The following SARDH variants were observed in gnomAD, a reference collection of about 807,000 sequenced individuals.
SARDH encodes sarcosine dehydrogenase, also known as sarcosine dehydrogenase, mitochondrial.
In SARDH, 95 loss-of-function variants were observed where a neutral mutation model predicts 109.1. That is an observed-to-expected ratio of 0.87 (90% CI 0.74 to 1.03). The LOEUF is 1.03. Ranked by LOEUF, SARDH falls within the 50% of genes least tolerant of loss-of-function variation. The pLI is 0.00. For missense variants in SARDH, 1,267 were observed against 1,287.8 expected, an observed-to-expected ratio of 0.98 and a Z score of 0.25; for synonymous variants, 572 against 534.8, an observed-to-expected ratio of 1.07 and a Z score of -0.96.
intron 13 of SARDH, among the ~76,000 whole-genome samples, chr9:133,700,579 G>C (rs560803085): frequency 4.6e-5 from 7 of 152,154 alleles, no homozygotes; most frequent in Non-Finnish European, 8.8e-5. Context: ...TTTGCTGGGA[G>C]ATGAAAACAT....
intron 6 of SARDH, among the ~76,000 whole-genome samples, chr9:133,722,128 C>A (rs1832345703): frequency 6.6e-6 from 1 of 151,480 alleles, no homozygotes; most frequent in South Asian, 2.1e-4. Flanking sequence ...AAACACAAAA[C>A]AAAACAAAAC....
In SARDH at chr9:133,709,535, C is replaced by T. The variant is rs887662598; in HGVS notation, c.1329-1107G>A. Among the ~76,000 whole-genome samples the T allele has an allele frequency of 2.6e-5, 4 of 152,172 alleles. No homozygotes were observed. The highest frequency in any genetic ancestry group is 5.9e-5 in the Non-Finnish European group (4 of 68,028). ...GCTGCCTCAGCAGCCACATCAGAGG[C>T]GTTTCTATCCTCAGTGACACCTGTC... On this transcript the variant is annotated intron_variant, in intron 10 of 20. Coordinates refer to ENST00000439388, the MANE Select transcript of SARDH (RefSeq NM_001134707.2). This position sits in a 1 kb window ranked among gnomAD's most constrained non-coding sequence, Gnocchi z 4.2.
chr9:133,708,147 A>C, intron 11 of SARDH, 140 bp downstream of exon 11: 2 of 971,114 alleles, frequency 2.1e-6, no homozygotes, highest in Non-Finnish European at 1.5e-6. Context: ...GTGCCGGGTT[A>C]CTACCTGGGG....
chr9:133,701,419 C>T (rs989436523), intron 13 of SARDH, among the ~76,000 whole-genome samples: 15 of 152,240 alleles, frequency 9.9e-5, no homozygotes, highest in Non-Finnish European at 1.9e-4. Flanking sequence ...CTGATGCCAC[C>T]GGGGCTGCCA....
intron 17 of SARDH, 148 bp from the exon 18 acceptor site, chr9:133,671,845 T>C (rs1830361893): frequency 1.0e-6 from 1 of 980,156 alleles, no homozygotes; most frequent in African/African-American, 1.7e-5. Context: ...AGAAATGGGG[T>C]CTTCCAAGGA....
At position 133,670,714 on chromosome 9, in the gene SARDH, TGTC is replaced by T. The variant is rs1355408436; in HGVS notation, c.2362_2364del (p.Asp788del). 6.2e-7 allele frequency: 1 copy of T among 1,601,636 alleles called. No homozygotes were observed. Among genetic ancestry groups the T allele is most frequent in the Non-Finnish European group, 8.5e-7 (1 of 1,175,026 alleles). On this transcript the variant is annotated inframe_deletion, in exon 19 of 21. Transcript: ENST00000439388. ...AAGGCCAGGCCTGCCTCCAGGGGGCTGTCGTCTGGCCGCAGGTCCGCGTGCCAG... is the reference window on the plus strand; with the variant it reads ...AAGGCCAGGCCTGCCTCCAGGGGGCTGTCTGGCCGCAGGTCCGCGTGCCAG...
chr9:133,731,575 AG>A, intron 3 of SARDH, 91 bp from the exon 4 acceptor site: 2 of 1,319,358 alleles, frequency 1.5e-6, no homozygotes, highest in Non-Finnish European at 2.1e-6. Flanking sequence ...CGCAAACCCC[AG>A]CCTCACTTTC....
At chr9:133,708,544 G>A in intron 10 of SARDH, 116 bp from the exon 11 acceptor site, 1 of 1,349,362 alleles carries the variant, frequency 7.4e-7, no homozygotes, top group South Asian at 1.5e-5. Flanking sequence ...CCCCTTTGTG[G>A]CTCAGCATTG....
intron 17 of SARDH, among the ~76,000 whole-genome samples, chr9:133,674,216 G>A (rs1051971878): frequency 6.6e-6 from 1 of 152,248 alleles, no homozygotes; most frequent in Non-Finnish European, 1.5e-5. Flanking sequence ...AGGACATCCA[G>A]AACAAACACG....
intron 2 of SARDH, among the ~76,000 whole-genome samples, chr9:133,733,481 C>T (rs1832755739): frequency 6.6e-6 from 1 of 152,190 alleles, no homozygotes; most frequent in African/African-American, 2.4e-5. Flanking sequence ...TCTGCTTCAC[C>T]CTCAATGGTC....
intron 17 of SARDH, among the ~76,000 whole-genome samples, chr9:133,673,212 C>T (rs129935): frequency 0.54 from 81,882 of 152,150 alleles, 23,044 homozygotes; most frequent in East Asian, 0.79. Flanking sequence ...GCACAGGAGG[C>T]GTGATTTTCC....
In SARDH at chr9:133,675,192, A is replaced by T. The variant is rs145485454; in HGVS notation, c.2164-3495T>A. 9.8e-3 allele frequency among the ~76,000 whole-genome samples: 1,470 copies of T among 150,756 alleles called. 16 individuals are homozygous for T. The highest frequency in any genetic ancestry group is 0.029 in the African/African-American group (1,180 of 41,020). ...AACCCTGTTTCCATTAAAAATATTT[A>T]AAAAAAAAATTAGTTGGGCATGGTG... On this transcript the variant is annotated intron_variant, in intron 17 of 20. Transcript: ENST00000439388.
intron 3 of SARDH, 26 bp downstream of exon 3, chr9:133,732,397 C>CT: frequency 6.4e-7 from 1 of 1,567,028 alleles, no homozygotes. Context: ...AGCCCCCCTC[C>CT]TTGCCCCCCG....
intron 10 of SARDH, among the ~76,000 whole-genome samples, chr9:133,708,705 A>G (rs2427987): frequency 1 from 151,951 of 152,212 alleles, 75,845 homozygotes; most frequent in Middle Eastern, 1. Flanking sequence ...ATGGGACTCC[A>G]GCCTCGCTCT....
chr9:133,670,883 G>A (rs1830322353), intron 18 of SARDH, 131 bp from the exon 19 acceptor site: 1 of 1,310,288 alleles, frequency 7.6e-7, no homozygotes, highest in Non-Finnish European at 1.0e-6. Context: ...TTAGTCACCT[G>A]GGCAGGAGGC....
Position 133,694,250 on chromosome 9 carries a change from T to A in SARDH, c.1921+8A>T. On this transcript the variant is annotated splice_region_variant and intron_variant, in intron 15 of 20. Coordinates refer to ENST00000439388, the MANE Select transcript of SARDH (RefSeq NM_001134707.2). ...TCACAGCGCCGTGTGCACAGAGGCA[T>A]CCCATACCTTCAAAGGCGGGGGCCA... The A allele has an allele frequency of 6.5e-7, 1 of 1,539,602 alleles. No homozygotes were observed. Among genetic ancestry groups the A allele is most frequent in the Middle Eastern group, 1.7e-4 (1 of 5,912 alleles).
In SARDH at chr9:133,718,778, A is replaced by G. The variant is rs1178761936; in HGVS notation, c.1020+160T>C. 3 of 787,192 alleles carry G rather than the reference A, an allele frequency of 3.8e-6. No individual in the cohort carries two copies. The highest frequency in any genetic ancestry group is 7.1e-6 in the Non-Finnish European group (3 of 425,530). The allele number at this position is 787,192 out of a possible 1,614,324, so 48.8% of individuals were successfully genotyped here. ...ACTGCCTGCCAGGACCGTCAGGGTAAGAGCAAGATGGCTTTGAGCTTGGTG... is the reference window on the plus strand; with the variant it reads ...ACTGCCTGCCAGGACCGTCAGGGTAGGAGCAAGATGGCTTTGAGCTTGGTG... On this transcript the variant is annotated intron_variant, in intron 7 of 20. Transcript: ENST00000439388. The surrounding 1 kb of genome is among the most constrained non-coding windows in gnomAD (Gnocchi z 4.2).
In SARDH at chr9:133,717,962, C is replaced by T. The variant is rs138334363; in HGVS notation, c.1021-507G>A. ...TGTCCCCTCCCTGAAAAACCCTGCC[C>T]TGACCACCCATCTAAAGGATATCCT... On this transcript the variant is annotated intron_variant, in intron 7 of 20. Coordinates refer to ENST00000439388, the MANE Select transcript of SARDH (RefSeq NM_001134707.2). 2.6e-3 allele frequency among the ~76,000 whole-genome samples: 397 copies of T among 152,320 alleles called. 1 individual carries two copies. Among genetic ancestry groups the T allele is most frequent in the Non-Finnish European group, 4.3e-3 (292 of 68,034 alleles).
intron 20 of SARDH, among the ~76,000 whole-genome samples, chr9:133,665,343 A>G (rs1337433534): frequency 2.0e-5 from 3 of 152,208 alleles, no homozygotes; most frequent in Non-Finnish European, 4.4e-5. Flanking sequence ...TGGAGCCCAT[A>G]AACTCCGGTT....
Sources: allele counts gnomAD v4.1 joint callset (sites outside exome capture counted in the v4.1 genomes callset), GRCh38; gene constraint gnomAD v4.1.1; non-coding constraint Gnocchi (gnomAD v3.1); transcripts MANE v1.5; gene names NCBI Gene and HGNC (gene_info 2026-07-23, HGNC 2026-07-21).